ITPR1: variants seen among roughly 807,000 people sequenced by gnomAD.
The protein encoded by ITPR1 is inositol 1,4,5-trisphosphate receptor type 1, also known as inositol 1,4,5-trisphosphate-gated calcium channel ITPR1.
Under a neutral mutation model 318.4 loss-of-function variants are expected in ITPR1, and 96 were observed. The observed-to-expected ratio is 0.30, with a 90% confidence interval of 0.26 to 0.36. The LOEUF is 0.36. ITPR1 is among the 10% of genes least tolerant of loss of function. The probability of loss-of-function intolerance (pLI) is 1.00; values close to 1 mark genes in which losing one functional copy is unlikely to be tolerated. For missense variants in ITPR1, 2,440 were observed against 3,460.2 expected (o/e 0.71, Z 7.40); for synonymous variants, 1,312 against 1,289.9 (o/e 1.02, Z -0.37).
chr3:4,493,634 G>A (rs1237035607), intron 1 of ITPR1, 29 bp downstream of exon 1: 1 of 152,550 alleles, frequency 6.6e-6, no homozygotes, highest in Non-Finnish European at 1.5e-5. Flanking sequence ...CAGAGGGCGC[G>A]GGGAGTTGGC....
At chr3:4,587,246 A>C (rs769030930) in intron 4 of ITPR1, among the ~76,000 whole-genome samples, 2 of 146,574 alleles carry the variant, frequency 1.4e-5, no homozygotes, top group Non-Finnish European at 3.0e-5. Flanking sequence ...AGTGCTGCTG[A>C]TGCTGCTGGT....
intron 4 of ITPR1, among the ~76,000 whole-genome samples, chr3:4,559,423 A>G (rs536351121): frequency 7.2e-5 from 11 of 152,324 alleles, no homozygotes; most frequent in Non-Finnish European, 1.3e-4. Flanking sequence ...ACAACTTTAT[A>G]TATTTTAAAA....
At chr3:4,776,249 T>C (rs762124560) in intron 47 of ITPR1, among the ~76,000 whole-genome samples, 2 of 152,202 alleles carry the variant, frequency 1.3e-5, no homozygotes, top group Non-Finnish European at 1.5e-5. Context: ...TTTGTATTTT[T>C]TTAGTAGAGA....
chr3:4,725,270 T>C (rs1226643155), intron 40 of ITPR1, among the ~76,000 whole-genome samples: 1 of 152,066 alleles, frequency 6.6e-6, no homozygotes, highest in Non-Finnish European at 1.5e-5. Context: ...CATTCCTCCT[T>C]GGTTAGTGGT....
intron 4 of ITPR1, among the ~76,000 whole-genome samples, chr3:4,564,118 T>G (rs1162333151): frequency 2.0e-5 from 3 of 152,044 alleles, no homozygotes; most frequent in Non-Finnish European, 4.4e-5. Flanking sequence ...ATTTTTGAAT[T>G]TTTGTAGAGA....
chr3:4,754,058 GT>G (rs139800915), intron 44 of ITPR1, among the ~76,000 whole-genome samples: 37,808 of 136,602 alleles, frequency 0.28, 6,232 homozygotes, highest in Middle Eastern at 0.51. Context: ...TGGGGGGGGG[GT>G]GGCAAGGATT....
intron 18 of ITPR1, among the ~76,000 whole-genome samples, chr3:4,668,988 G>A (rs531524824): frequency 4.7e-4 from 71 of 152,160 alleles, no homozygotes; most frequent in African/African-American, 1.7e-3. Context: ...CATATTTTCA[G>A]TTGAAGCGGG....
chr3:4,549,967 A>T (rs2085394409), intron 4 of ITPR1, among the ~76,000 whole-genome samples: 1 of 152,218 alleles, frequency 6.6e-6, no homozygotes, highest in South Asian at 2.1e-4. Flanking sequence ...CCGCCAAAAA[A>T]CAAAACAAGA....
In ITPR1 at chr3:4,658,239, A is replaced by G; in HGVS notation, c.1112A>G (p.Asp371Gly). ...GNDISSIFEL[D>G]PTTLRGGDSL... ...GACATCTCCTCCATTTTCGAGCTAG[A>G]TCCCACCACTCTGCGTGGAGGTGAC... The change falls in exon 13 of 62, where the codon GAT (aspartate) becomes GGT (glycine). Residue 371 changes from aspartate (D) to glycine (G), a missense_variant. Asp to Gly is a moderately conservative substitution (Grantham distance 94). This residue lies in a region of ITPR1 where 101 missense variants were observed against 119.6 expected (regional missense o/e 0.84). Coordinates refer to ENST00000649015, the MANE Select transcript of ITPR1 (RefSeq NM_001378452.1). 1 of 1,613,368 alleles carries G rather than the reference A, an allele frequency of 6.2e-7. No individual in the cohort carries two copies. The highest frequency in any genetic ancestry group is 8.5e-7 in the Non-Finnish European group (1 of 1,179,502).
intron 5 of ITPR1, among the ~76,000 whole-genome samples, chr3:4,636,610 G>T (rs1435413052): frequency 6.6e-6 from 1 of 152,094 alleles, no homozygotes; most frequent in African/African-American, 2.4e-5. Flanking sequence ...TGTATTTTTA[G>T]TAGAGACAGC....
At chr3:4,746,839 T>C (rs139335053) in intron 44 of ITPR1, among the ~76,000 whole-genome samples, 55 of 152,322 alleles carry the variant, frequency 3.6e-4, no homozygotes, top group Admixed American at 7.8e-4. Context: ...TGCTTACTTT[T>C]TGGTTGTTTA....
In ITPR1 at chr3:4,836,952, C is replaced by T. The variant is rs752945761; in HGVS notation, c.8190+17C>T. On this transcript the variant is annotated intron_variant, in intron 61 of 61. Transcript: ENST00000649015. ...AAGGATCAGGTAAAGAAAGAAAATCCCAGCGCCTACCCTCCCATCACTATC... is the reference window on the plus strand; with the variant it reads ...AAGGATCAGGTAAAGAAAGAAAATCTCAGCGCCTACCCTCCCATCACTATC... 9 of 1,555,470 alleles carry T rather than the reference C, an allele frequency of 5.8e-6. No individual in the cohort carries two copies. Among genetic ancestry groups the T allele is most frequent in the Admixed American group, 1.7e-5 (1 of 58,398 alleles).
At chr3:4,633,721 C>A (rs1442554924) in intron 5 of ITPR1, among the ~76,000 whole-genome samples, 3 of 152,216 alleles carry the variant, frequency 2.0e-5, no homozygotes, top group Non-Finnish European at 4.4e-5. Flanking sequence ...CTTCTAAAGG[C>A]CATTACTACT....
intron 2 of ITPR1, among the ~76,000 whole-genome samples, chr3:4,495,209 A>G (rs1242497340): frequency 6.7e-6 from 1 of 149,636 alleles, no homozygotes; most frequent in Non-Finnish European, 1.5e-5. Context: ...GTGCACGTAC[A>G]TCACTATTGC....
intron 4 of ITPR1, among the ~76,000 whole-genome samples, chr3:4,554,464 A>G (rs1479905936): frequency 2.0e-5 from 3 of 152,108 alleles, no homozygotes; most frequent in Admixed American, 1.3e-4. Context: ...AATCAATTGA[A>G]TCCTTGTTTT....
At chr3:4,681,702 CTACAT>C (rs1026797927) in intron 26 of ITPR1, among the ~76,000 whole-genome samples, 2 of 146,960 alleles carry the variant, frequency 1.4e-5, no homozygotes, top group African/African-American at 5.0e-5. Flanking sequence ...CTCAAAATAC[CTACAT>C]TACAAGATTA....
In ITPR1 at chr3:4,493,420, AGGT is replaced by A. The variant is rs1427657270; in HGVS notation, c.-269_-267del. On this transcript the variant is annotated 5_prime_UTR_variant, in exon 1 of 62. Transcript: ENST00000649015. ...GGGGTGGGAGGAGAGGAGGAGGAGG[AGGT>A]GGTGGTGGAGGAGGAGGCAGGGGGT... is the stretch of plus-strand genomic sequence containing the variant. 4 of 153,626 alleles carry A rather than the reference AGGT, an allele frequency of 2.6e-5. No homozygotes were observed. The highest frequency in any genetic ancestry group is 1.9e-4 in the East Asian group (1 of 5,138). The allele number at this position is 153,626 out of a possible 1,614,324, so 9.5% of individuals were successfully genotyped here.
chr3:4,830,151 T>G (rs2050379156), intron 60 of ITPR1, among the ~76,000 whole-genome samples: 1 of 151,840 alleles, frequency 6.6e-6, no homozygotes, highest in Non-Finnish European at 1.5e-5. Context: ...TTTTTTTGTA[T>G]TTTTAGTAGA....
At chr3:4,522,262 G>A (rs1272460050) in intron 4 of ITPR1, among the ~76,000 whole-genome samples, 1 of 152,156 alleles carries the variant, frequency 6.6e-6, no homozygotes, top group Non-Finnish European at 1.5e-5. Flanking sequence ...AAACCACTGG[G>A]TTAGGTATTT....
Sources: gnomAD v4.1 joint callset for allele counts (sites outside exome capture counted in the v4.1 genomes callset) on GRCh38, gnomAD v4.1.1 for gene constraint, gnomAD v4.1.1 regional missense constraint, MANE v1.5 for transcripts, NCBI Gene and HGNC (gene_info 2026-07-23, HGNC 2026-07-21) for gene names.